LRCH1: variants seen among roughly 807,000 people sequenced by gnomAD.
The protein encoded by LRCH1 is leucine-rich repeat and calponin homology domain-containing protein 1.
Under a neutral mutation model 94.9 loss-of-function variants are expected in LRCH1, and 23 were observed. The ratio of observed to expected loss-of-function variants is 0.24; its 90% CI spans 0.17 to 0.34. The LOEUF is 0.34. Ranked by LOEUF, LRCH1 falls within the 10% of genes least tolerant of loss-of-function variation. The pLI is 1.00. For missense variants in LRCH1, 790 were observed against 945.9 expected, an observed-to-expected ratio of 0.84 and a Z score of 2.16; for synonymous variants, 364 against 354.9, an observed-to-expected ratio of 1.03 and a Z score of -0.29.
intron 1 of LRCH1, among the ~76,000 whole-genome samples, chr13:46,615,523 C>T (rs1331881260): frequency 6.6e-6 from 1 of 152,132 alleles, no homozygotes; most frequent in Admixed American, 6.5e-5. Context: ...AAAAAACCTC[C>T]AAACCTCATC....
At chr13:46,580,436 CA>C (rs1408774873) in intron 1 of LRCH1, among the ~76,000 whole-genome samples, 1 of 152,224 alleles carries the variant, frequency 6.6e-6, no homozygotes, top group Non-Finnish European at 1.5e-5. Context: ...GAAACTACTG[CA>C]GCGAAACTGC....
rs936546490 is a variant in LRCH1, at chr13:46,742,166, C to T, written c.*318C>T. 6 of 1,192,418 alleles carry T rather than the reference C, an allele frequency of 5.0e-6. No homozygotes were observed. The African/African-American group carries it at 6.2e-5, about 12-fold the overall frequency. The allele number at this position is 1,192,418 out of a possible 1,614,324, so 73.9% of individuals were successfully genotyped here. A position where few individuals can be genotyped will look rare whatever the true frequency, so the allele number is the denominator to read the frequency against. The stretch of plus-strand genomic sequence containing the variant: ...TCCTCTCCCTCCCGGTGAGCTGCTG[C>T]CCTGGGCAGAGGGGAGGAGAATTCC... On this transcript the variant is annotated 3_prime_UTR_variant, in exon 20 of 20. Transcript: ENST00000389797.
At chr13:46,577,977 G>A (rs140770540) in intron 1 of LRCH1, among the ~76,000 whole-genome samples, 23 of 152,310 alleles carry the variant, frequency 1.5e-4, no homozygotes, top group Non-Finnish European at 2.9e-4. Flanking sequence ...GGGAATCCCC[G>A]TCAGCTTTGG....
At chr13:46,596,590 G>C (rs533722883) in intron 1 of LRCH1, among the ~76,000 whole-genome samples, 1 of 152,310 alleles carries the variant, frequency 6.6e-6, no homozygotes, top group Non-Finnish European at 1.5e-5. Flanking sequence ...ATCTTTGTTA[G>C]AATATGAAAG....
chr13:46,735,665 G>T (rs542125303), intron 19 of LRCH1, among the ~76,000 whole-genome samples: 2 of 152,172 alleles, frequency 1.3e-5, no homozygotes, highest in East Asian at 3.9e-4. Flanking sequence ...TCCCGAGAAG[G>T]TTCAAATACA....
intron 1 of LRCH1, among the ~76,000 whole-genome samples, chr13:46,614,577 C>A (rs977775126): frequency 6.6e-6 from 1 of 152,154 alleles, no homozygotes; most frequent in Non-Finnish European, 1.5e-5. Context: ...AATCTGATCT[C>A]TAGTGGTAAA....
chr13:46,750,826 C>G (rs1051247655), exon 19 of LRCH1: 2 of 492,854 alleles, frequency 4.1e-6, no homozygotes, highest in Admixed American at 3.8e-5. Flanking sequence ...GAGCTGACCT[C>G]CGACTTTAAG....
chr13:46,580,489 G>C (rs942481335), intron 1 of LRCH1, among the ~76,000 whole-genome samples: 2 of 152,102 alleles, frequency 1.3e-5, no homozygotes, highest in African/African-American at 2.4e-5. Flanking sequence ...CTACCCTTTG[G>C]GGGTCATGCA....
chr13:46,640,326 C>A (rs1296805523), intron 1 of LRCH1, among the ~76,000 whole-genome samples: 1 of 152,238 alleles, frequency 6.6e-6, no homozygotes, highest in Admixed American at 6.5e-5. Context: ...AGTCCTTTCA[C>A]TAATTCAATG....
intron 3 of LRCH1, among the ~76,000 whole-genome samples, chr13:46,673,797 CAGGCTGGAGTGCAGCGGCTGTCGCCG>C: frequency 7.3e-6 from 1 of 137,792 alleles, no homozygotes; most frequent in South Asian, 2.3e-4. Flanking sequence ...CTCTGTCACC[CAGGCTGGAGTGCAGCGGCTGTCGCCG>C]AGGCTAGAGT....
At chr13:46,607,968 T>A (rs924284077) in intron 1 of LRCH1, among the ~76,000 whole-genome samples, 4 of 152,100 alleles carry the variant, frequency 2.6e-5, no homozygotes, top group Non-Finnish European at 5.9e-5. Flanking sequence ...GGGAGGGATG[T>A]GGGAAGGCCA....
chr13:46,580,962 G>A (rs2050358245), intron 1 of LRCH1, among the ~76,000 whole-genome samples: 1 of 152,148 alleles, frequency 6.6e-6, no homozygotes. Context: ...AGTAGTGGTT[G>A]TCATATTTTA....
intron 1 of LRCH1, among the ~76,000 whole-genome samples, chr13:46,639,720 G>T (rs1357087509): frequency 6.6e-6 from 1 of 152,140 alleles, no homozygotes; most frequent in Non-Finnish European, 1.5e-5. Context: ...ACTGCCCAGG[G>T]TCTCAGGATC....
intron 1 of LRCH1, among the ~76,000 whole-genome samples, chr13:46,630,023 G>A (rs919188847): frequency 1.3e-5 from 2 of 152,208 alleles, no homozygotes; most frequent in African/African-American, 2.4e-5. Context: ...TCTGGGCAAG[G>A]GAAAGTTACA....
chr13:46,743,882 T>A lies in LRCH1; in HGVS notation c.*2034T>A. ...AAAGACAAATTAAAAGACATTTATA[T>A]TTTAATTCTGGCATCCAAAGTATTC... is the stretch of plus-strand genomic sequence containing the variant. On this transcript the variant is annotated 3_prime_UTR_variant, in exon 20 of 20. Coordinates refer to ENST00000389797, the MANE Select transcript of LRCH1 (RefSeq NM_001164211.2). 1.0e-6 allele frequency: 1 copy of A among 985,086 alleles called. No homozygotes were observed. Among genetic ancestry groups the A allele is most frequent in the Non-Finnish European group, 1.2e-6 (1 of 829,594 alleles). The allele number at this position is 985,086 out of a possible 1,614,324, so 61.0% of individuals were successfully genotyped here. A position where few individuals can be genotyped will look rare whatever the true frequency, so the allele number is the denominator to read the frequency against.
intron 1 of LRCH1, among the ~76,000 whole-genome samples, chr13:46,568,870 A>G (rs1406512921): frequency 6.6e-6 from 1 of 152,198 alleles, no homozygotes; most frequent in African/African-American, 2.4e-5. Flanking sequence ...TTGATACAGT[A>G]GACTAAAAAT....
chr13:46,610,273 G>T (rs906270751), intron 1 of LRCH1, among the ~76,000 whole-genome samples: 1 of 152,040 alleles, frequency 6.6e-6, no homozygotes, highest in South Asian at 2.1e-4. Flanking sequence ...GTATGTGATC[G>T]TATACATTTT....
At chr13:46,624,385 CACTTA>C (rs2050919840) in intron 1 of LRCH1, among the ~76,000 whole-genome samples, 1 of 152,206 alleles carries the variant, frequency 6.6e-6, no homozygotes, top group Non-Finnish European at 1.5e-5. Context: ...GGCCAGGGCC[CACTTA>C]ACTTAGTTTC....
At chr13:46,580,336 C>G (rs1005293136) in intron 1 of LRCH1, among the ~76,000 whole-genome samples, 28 of 152,154 alleles carry the variant, frequency 1.8e-4, no homozygotes, top group African/African-American at 5.8e-4. Flanking sequence ...GCCCTTCTGT[C>G]ATTACTTCCT....
Sources: allele counts gnomAD v4.1 joint callset (sites outside exome capture counted in the v4.1 genomes callset), GRCh38; gene constraint gnomAD v4.1.1; transcripts MANE v1.5; gene names NCBI Gene and HGNC (gene_info 2026-07-23, HGNC 2026-07-21).